KCTD10: variants seen among roughly 807,000 people sequenced by gnomAD.
KCTD10 encodes potassium channel tetramerization domain containing 10, also known as BTB/POZ domain-containing adapter for CUL3-mediated RhoA degradation protein 3.
In KCTD10, 13 loss-of-function variants were observed where a neutral mutation model predicts 34.6. That is an observed-to-expected ratio of 0.38 (90% CI 0.24 to 0.60). KCTD10 has a LOEUF of 0.60. Ranked by LOEUF, KCTD10 falls within the 20% of genes least tolerant of loss-of-function variation. The pLI, the probability that KCTD10 is intolerant of heterozygous loss-of-function variation, is 0.66. For synonymous variants in KCTD10, 156 were observed against 168.8 expected (o/e 0.92, Z 0.59); for missense variants, 256 against 420.3 (o/e 0.61, Z 3.42).
At chr12:109,456,619 G>C in intron 5 of KCTD10, 1 of 419,744 alleles carries the variant, frequency 2.4e-6, no homozygotes, top group Non-Finnish European at 4.5e-6. Context: ...TCTGGGCACA[G>C]GCACCAGGTG....
chr12:109,474,972 C>G (rs1437267234), intron 1 of KCTD10, among the ~76,000 whole-genome samples: 1 of 152,174 alleles, frequency 6.6e-6, no homozygotes, highest in Non-Finnish European at 1.5e-5. Flanking sequence ...TCCACCATTT[C>G]CTTCGTGAAA....
chr12:109,457,334 G>T, intron 5 of KCTD10: 1 of 278,816 alleles, frequency 3.6e-6, no homozygotes, highest in Non-Finnish European at 6.7e-6. Context: ...TTCTTTTCAG[G>T]CAGTGAAAAA....
At position 109,449,956 on chromosome 12, in the gene KCTD10, AT is replaced by A. The variant is rs3214388; in HGVS notation, c.*1638del. On this transcript the variant is annotated 3_prime_UTR_variant, in exon 7 of 7. Transcript: ENST00000228495. ...TTAAAAAGCATCTGCCCAATACACG[AT>A]TTTGACATTCAGTCATGATTGTTTT... 16,911 of 253,722 alleles carry A rather than the reference AT, an allele frequency of 0.067. 695 individuals are homozygous for A. The highest frequency in any genetic ancestry group is 0.1 in the Admixed American group (1,923 of 18,330). The allele number at this position is 253,722 out of a possible 1,614,324, so 15.7% of individuals were successfully genotyped here. A position where few individuals can be genotyped will look rare whatever the true frequency, so the allele number is the denominator to read the frequency against.
chr12:109,453,171 C>T (rs1318346736), intron 6 of KCTD10, among the ~76,000 whole-genome samples: 1 of 152,170 alleles, frequency 6.6e-6, no homozygotes, highest in African/African-American at 2.4e-5. Flanking sequence ...AATGATTCTC[C>T]CACCTCAGCC....
chr12:109,453,327 C>G (rs1872867526), intron 6 of KCTD10, among the ~76,000 whole-genome samples: 1 of 151,924 alleles, frequency 6.6e-6, no homozygotes, highest in South Asian at 2.1e-4. Context: ...GTAGTTTAGA[C>G]TACAGGCACA....
intron 1 of KCTD10, among the ~76,000 whole-genome samples, chr12:109,474,615 A>G (rs570498296): frequency 7.2e-5 from 11 of 152,286 alleles, no homozygotes; most frequent in African/African-American, 2.6e-4. Flanking sequence ...TCTAAAAAGC[A>G]CTGTACCCCT....
At chr12:109,475,740 T>C (rs1874165297) in intron 1 of KCTD10, among the ~76,000 whole-genome samples, 1 of 152,200 alleles carries the variant, frequency 6.6e-6, no homozygotes, top group African/African-American at 2.4e-5. Context: ...AGAAACACTG[T>C]ATTGAGGCTT....
intron 2 of KCTD10, among the ~76,000 whole-genome samples, chr12:109,467,311 T>C (rs117112815): frequency 9.3e-4 from 142 of 152,210 alleles, no homozygotes; most frequent in Non-Finnish European, 1.7e-3. Flanking sequence ...AGGGTTATGG[T>C]GAGGATTAAA....
At chr12:109,469,822 G>C in intron 1 of KCTD10, 94 bp from the exon 2 acceptor site, 2 of 1,545,214 alleles carry the variant, frequency 1.3e-6, no homozygotes, top group South Asian at 1.2e-5. Flanking sequence ...TGTTTTGCTT[G>C]GGCCACGCAT....
chr12:109,460,919 C>T lies in KCTD10; in HGVS notation c.218-114G>A. The T allele has an allele frequency of 9.2e-7, 1 of 1,081,510 alleles. No homozygotes were observed. Among genetic ancestry groups the T allele is most frequent in the Non-Finnish European group, 1.3e-6 (1 of 757,750 alleles). The allele number at this position is 1,081,510 out of a possible 1,614,324, so 67.0% of individuals were successfully genotyped here. A position where few individuals can be genotyped will look rare whatever the true frequency, so the allele number is the denominator to read the frequency against. On this transcript the variant is annotated intron_variant, in intron 2 of 6. Transcript: ENST00000228495. This position sits in a 1 kb window ranked among gnomAD's most constrained non-coding sequence, Gnocchi z 4.5. ...TACCTCCCAGCGGAGAGCGGGACTG[C>T]CTGGAGAATGGCAGCCTCACCTGCC...
intron 2 of KCTD10, among the ~76,000 whole-genome samples, chr12:109,463,058 GCAGCAGGACTAGACCACAAAGA>G (rs1477393499): frequency 2.6e-5 from 4 of 152,096 alleles, no homozygotes; most frequent in Non-Finnish European, 4.4e-5. Context: ...CCAAGCAGAG[GCAGCAGGACTAGACCACAAAGA>G]AAAAGTAAGG....
At chr12:109,468,898 C>T (rs903392813) in intron 2 of KCTD10, among the ~76,000 whole-genome samples, 2 of 152,096 alleles carry the variant, frequency 1.3e-5, no homozygotes, top group African/African-American at 2.4e-5. Flanking sequence ...GTGATCCGCC[C>T]GCCTCAGCTT....
In KCTD10 at chr12:109,449,285, T is replaced by C. The variant is rs1331803783; in HGVS notation, c.*2310A>G. 6.6e-6 allele frequency: 1 copy of C among 152,222 alleles called. No individual in the cohort carries two copies. The highest frequency in any genetic ancestry group is 1.5e-5 in the Non-Finnish European group (1 of 68,044). The allele number at this position is 152,222 out of a possible 1,614,324, so 9.4% of individuals were successfully genotyped here. ...GAATTGTTCACCATGGAATGTTTTA[T>C]AAACCTGTTCATATTCCAGAGAGAC... is the stretch of plus-strand genomic sequence containing the variant. On this transcript the variant is annotated 3_prime_UTR_variant, in exon 7 of 7. Coordinates refer to ENST00000228495, the MANE Select transcript of KCTD10 (RefSeq NM_031954.5).
chr12:109,454,319 A>G lies in KCTD10; in HGVS notation c.723+1799T>C, dbSNP rs558002727. Reference sequence around the variant, plus strand: ...GGAAACATAGGGAGTCTCAGCAAGGAGACAGAAAAACCAAATGAGCACTTG... The same window carrying G: ...GGAAACATAGGGAGTCTCAGCAAGGGGACAGAAAAACCAAATGAGCACTTG... On this transcript the variant is annotated intron_variant, in intron 6 of 6. Transcript: ENST00000228495. Among the ~76,000 whole-genome samples the G allele has an allele frequency of 2.7e-4, 41 of 152,344 alleles. No individual in the cohort carries two copies. The South Asian group carries it at 7.7e-3, about 28-fold the overall frequency.
At chr12:109,453,200 T>C (rs1872862600) in intron 6 of KCTD10, among the ~76,000 whole-genome samples, 1 of 152,122 alleles carries the variant, frequency 6.6e-6, no homozygotes, top group Non-Finnish European at 1.5e-5. Flanking sequence ...TAGTTGAGAC[T>C]ATAGGCATGC....
chr12:109,451,054 G>A lies in KCTD10; in HGVS notation c.*541C>T, dbSNP rs934867172. 2 of 152,712 alleles carry A rather than the reference G, an allele frequency of 1.3e-5. No homozygotes were observed. The highest frequency in any genetic ancestry group is 4.8e-5 in the African/African-American group (2 of 41,444). 9.5% of individuals were successfully genotyped at this position (152,712 alleles called of 1,614,324 possible). A position where few individuals can be genotyped will look rare whatever the true frequency, so the allele number is the denominator to read the frequency against. Reference sequence around the variant, plus strand: ...CCCAAAGCCACATGGCAGAAAGCACGTCTAGCAAAGCAGTGGGGATTGTGC... The same window carrying A: ...CCCAAAGCCACATGGCAGAAAGCACATCTAGCAAAGCAGTGGGGATTGTGC... On this transcript the variant is annotated 3_prime_UTR_variant, in exon 7 of 7. Transcript: ENST00000228495. This position sits in a 1 kb window ranked among gnomAD's most constrained non-coding sequence, Gnocchi z 5.0.
chr12:109,477,285 T>A lies in KCTD10; in HGVS notation c.-23A>T. The A allele has an allele frequency of 6.2e-7, 1 of 1,613,130 alleles. No individual in the cohort carries two copies. Among genetic ancestry groups the A allele is most frequent in the East Asian group, 2.2e-5 (1 of 44,822 alleles). ...CATGAAAAGTCGGAGGACGCAGGAG[T>A]CTCCAAACCCGGACTGAGAGAGGCA... On this transcript the variant is annotated 5_prime_UTR_variant, in exon 1 of 7. Transcript: ENST00000228495.
chr12:109,471,164 C>G (rs1873867364), intron 1 of KCTD10: 3 of 985,432 alleles, frequency 3.0e-6, no homozygotes, highest in Non-Finnish European at 2.4e-6. Flanking sequence ...TCCAGATTTT[C>G]TATAATGAAT....
chr12:109,453,802 G>C (rs955049483), intron 6 of KCTD10, among the ~76,000 whole-genome samples: 2 of 152,210 alleles, frequency 1.3e-5, no homozygotes, highest in Admixed American at 6.5e-5. Flanking sequence ...AAAGCAGCCT[G>C]TGAAGTTGTA....
Sources: allele counts gnomAD v4.1 joint callset (sites outside exome capture counted in the v4.1 genomes callset), GRCh38; gene constraint gnomAD v4.1.1; non-coding constraint Gnocchi (gnomAD v3.1); transcripts MANE v1.5; gene names NCBI Gene and HGNC (gene_info 2026-07-23, HGNC 2026-07-21).